The following TP63 variants were observed in gnomAD, a reference collection of about 807,000 sequenced individuals.
TP63 encodes the protein tumor protein 63.
A neutral mutation model predicts 82.8 loss-of-function variants in TP63; 17 were observed. The ratio of observed to expected loss-of-function variants is 0.21; its 90% CI spans 0.14 to 0.31. The LOEUF (loss-of-function observed/expected upper bound fraction) is 0.31. Ranked by LOEUF, TP63 falls within the 10% of genes least tolerant of loss-of-function variation. The pLI is 1.00. For synonymous variants in TP63, 330 were observed against 321.7 expected (o/e 1.03, Z -0.28); for missense variants, 648 against 895.3 (o/e 0.72, Z 3.52).
chr3:189,601,998 T>C, the TP63 span, among the ~76,000 whole-genome samples: 3 of 152,122 alleles, frequency 2.0e-5, no homozygotes, highest in Admixed American at 6.6e-5. Context: ...TGCCTGATAG[T>C]AGTGAGTGTG....
Position 189,654,583 on chromosome 3 carries a change from A to G in TP63, c.62+23006A>G, listed in dbSNP as rs1425872011. Among the ~76,000 whole-genome samples, 73 of 152,292 alleles carry G rather than the reference A, an allele frequency of 4.8e-4. 1 individual carries two copies. The highest frequency in any genetic ancestry group is 2.9e-5 in the Non-Finnish European group (2 of 68,004). ...ATCTTTGTGGTAGAGATGTATTACCAATGTTTACCTTGGGATAGCCTGGGG... is the reference window on the plus strand; with the variant it reads ...ATCTTTGTGGTAGAGATGTATTACCGATGTTTACCTTGGGATAGCCTGGGG... On this transcript the variant is annotated intron_variant, in intron 1 of 13. Transcript: ENST00000264731.
intron 1 of TP63, among the ~76,000 whole-genome samples, chr3:189,677,198 TTGTG>T (rs140059391): frequency 1.3e-5 from 2 of 148,574 alleles, no homozygotes; most frequent in Admixed American, 6.8e-5. Context: ...TGGTGTGTGT[TTGTG>T]TGTGTGTGTG....
chr3:189,619,026 G>A, the TP63 span, among the ~76,000 whole-genome samples: 2 of 152,118 alleles, frequency 1.3e-5, no homozygotes, highest in Non-Finnish European at 2.9e-5. Flanking sequence ...TGTTTCCTAT[G>A]TGGACTTATT....
At chr3:189,712,381 A>G (rs189400479) in intron 1 of TP63, among the ~76,000 whole-genome samples, 11 of 152,318 alleles carry the variant, frequency 7.2e-5, no homozygotes, top group Admixed American at 6.5e-4. Context: ...GAGTGCTGTA[A>G]CAAAATACCA....
chr3:189,709,418 A>AT (rs527440201), intron 1 of TP63, among the ~76,000 whole-genome samples: 1 of 152,008 alleles, frequency 6.6e-6, no homozygotes, highest in Non-Finnish European at 1.5e-5. Flanking sequence ...CCTATTTATG[A>AT]TTTTTTTCTT....
chr3:189,739,274 C>A (rs147998197), intron 3 of TP63, among the ~76,000 whole-genome samples: 61 of 152,206 alleles, frequency 4.0e-4, no homozygotes, highest in African/African-American at 1.4e-3. Flanking sequence ...CACCACCACA[C>A]CTGGCTAATT....
intron 3 of TP63, chr3:189,789,865 C>G: frequency 6.4e-7 from 1 of 1,557,126 alleles, no homozygotes; most frequent in South Asian, 1.3e-5. Flanking sequence ...GATTTTAGCA[C>G]TCCATTTAGA....
At chr3:189,652,088 C>G (rs1342751391) in intron 1 of TP63, among the ~76,000 whole-genome samples, 1 of 146,660 alleles carries the variant, frequency 6.8e-6, no homozygotes, top group Non-Finnish European at 1.5e-5. Context: ...AGCTCCCACA[C>G]AACATCTTCA....
At chr3:189,787,385 G>A (rs1724694694) in intron 3 of TP63, among the ~76,000 whole-genome samples, 1 of 152,102 alleles carries the variant, frequency 6.6e-6, no homozygotes, top group Non-Finnish European at 1.5e-5. Context: ...AATCCAGAGT[G>A]GTTAAGTAAC....
chr3:189,704,098 C>A (rs1490304236), intron 1 of TP63, among the ~76,000 whole-genome samples: 1 of 152,186 alleles, frequency 6.6e-6, no homozygotes, highest in Non-Finnish European at 1.5e-5. Flanking sequence ...ACTTACTAAC[C>A]AGATACTACC....
At chr3:189,885,510 G>A (rs540014067) in intron 10 of TP63, among the ~76,000 whole-genome samples, 33 of 152,266 alleles carry the variant, frequency 2.2e-4, no homozygotes, top group African/African-American at 7.2e-4. Context: ...AACAGATGAC[G>A]GAGGAAGGCT....
At chr3:189,830,243 T>G (rs1712113290) in intron 4 of TP63, among the ~76,000 whole-genome samples, 1 of 152,196 alleles carries the variant, frequency 6.6e-6, no homozygotes, top group African/African-American at 2.4e-5. Context: ...GGAGCTACCG[T>G]TGTAACAGTC....
intron 4 of TP63, among the ~76,000 whole-genome samples, chr3:189,839,040 TAAAAAAA>T (rs5855274): frequency 2.3e-4 from 20 of 88,588 alleles, no homozygotes; most frequent in Middle Eastern, 6.8e-3. Context: ...TATCCTAAGC[TAAAAAAA>T]AAAAAAAAAA....
At chr3:189,885,726 G>A (rs1720375756) in intron 10 of TP63, among the ~76,000 whole-genome samples, 1 of 152,104 alleles carries the variant, frequency 6.6e-6, no homozygotes. Flanking sequence ...ATTTCTCCCA[G>A]GAGACTTTTG....
intron 1 of TP63, among the ~76,000 whole-genome samples, chr3:189,717,274 C>A (rs938802447): frequency 6.6e-6 from 1 of 152,202 alleles, no homozygotes; most frequent in Non-Finnish European, 1.5e-5. Context: ...TATTTAATAA[C>A]CTTTCCAACA....
intron 1 of TP63, among the ~76,000 whole-genome samples, chr3:189,640,432 C>T (rs1711730526): frequency 6.6e-6 from 1 of 152,062 alleles, no homozygotes; most frequent in Non-Finnish European, 1.5e-5. Flanking sequence ...GAGAATTCTG[C>T]AACAAAATGT....
At chr3:189,693,907 TA>T (rs1334810748) in intron 1 of TP63, among the ~76,000 whole-genome samples, 1 of 152,162 alleles carries the variant, frequency 6.6e-6, no homozygotes, top group Non-Finnish European at 1.5e-5. Flanking sequence ...AAGATGATTT[TA>T]AAAAGTTTCT....
intron 10 of TP63, chr3:189,880,537 T>C (rs1719802744): frequency 1.0e-6 from 1 of 991,274 alleles, no homozygotes; most frequent in African/African-American, 1.7e-5. Flanking sequence ...CTTCTTCTGT[T>C]GTTTTTCTAA....
At chr3:189,630,881 C>T (rs1729427535), upstream of TP63, among the ~76,000 whole-genome samples, 4 of 151,296 alleles carry the variant, frequency 2.6e-5, no homozygotes, top group Admixed American at 2.6e-4. Context: ...GTGACCACAA[C>T]AGGCGGTTGG....
Sources: allele counts gnomAD v4.1 joint callset (sites outside exome capture counted in the v4.1 genomes callset), GRCh38; gene constraint gnomAD v4.1.1; transcripts MANE v1.5; gene names NCBI Gene and HGNC (gene_info 2026-07-23, HGNC 2026-07-21).